USP43: variants seen among roughly 807,000 people sequenced by gnomAD.
USP43 encodes ubiquitin carboxyl-terminal hydrolase 43.
USP43 carries 33 observed loss-of-function variants against 90.7 expected under a neutral mutation model. That is an observed-to-expected ratio of 0.36 (90% CI 0.28 to 0.49). The LOEUF is 0.49. USP43 is among the 20% of genes least tolerant of loss of function. USP43 has a pLI of 0.98. For missense variants in USP43, 1,274 were observed against 1,476.4 expected, an observed-to-expected ratio of 0.86 and a Z score of 2.25; for synonymous variants, 598 against 615.8, an observed-to-expected ratio of 0.97 and a Z score of 0.43.
At chr17:9,719,419 C>T (rs907923352) in intron 14 of USP43, among the ~76,000 whole-genome samples, 3 of 152,172 alleles carry the variant, frequency 2.0e-5, no homozygotes, top group African/African-American at 7.2e-5. Flanking sequence ...GATAACTGTC[C>T]TGCAGACCCT....
intron 8 of USP43, among the ~76,000 whole-genome samples, chr17:9,691,093 C>T (rs879266192): frequency 3.3e-5 from 5 of 150,588 alleles, no homozygotes; most frequent in African/African-American, 4.9e-5. Flanking sequence ...TGTAGCATAT[C>T]TCAGAATTTC....
rs766661067 is a variant in USP43 at position 9,729,001 on chromosome 17, C to G, written c.*11C>G. ...GAGTCCAGCTTTTGATGGAGCGTGT[C>G]AGTATTGTGTGACGCTGGCATTCTT... On this transcript the variant is annotated 3_prime_UTR_variant, in exon 15 of 15. Coordinates refer to ENST00000285199, the MANE Select transcript of USP43 (RefSeq NM_153210.5). 33 of 1,531,602 alleles carry G rather than the reference C, an allele frequency of 2.2e-5. No individual in the cohort carries two copies. In the East Asian group the frequency reaches 7.4e-4, roughly 34 times the overall value. 94.9% of individuals were successfully genotyped at this position (1,531,602 alleles called of 1,614,324 possible).
intron 9 of USP43, among the ~76,000 whole-genome samples, chr17:9,697,127 G>C (rs1344138529): frequency 6.6e-6 from 1 of 152,156 alleles, no homozygotes. Flanking sequence ...TGAGGCAGGA[G>C]AATCGCTTGA....
intron 2 of USP43, among the ~76,000 whole-genome samples, chr17:9,664,885 C>T (rs1036895859): frequency 3.3e-5 from 5 of 152,186 alleles, no homozygotes; most frequent in African/African-American, 9.7e-5. Flanking sequence ...GATCCACCCA[C>T]CTCGGTCTCC....
intron 14 of USP43, among the ~76,000 whole-genome samples, chr17:9,715,965 GTA>G (rs1210148980): frequency 2.6e-5 from 4 of 150,982 alleles, no homozygotes; most frequent in South Asian, 2.1e-4. Context: ...ATGTATCTGT[GTA>G]TATGTGTGTG....
At chr17:9,725,723 GA>G (rs1917232620) in intron 14 of USP43, among the ~76,000 whole-genome samples, 1 of 152,150 alleles carries the variant, frequency 6.6e-6, no homozygotes, top group Non-Finnish European at 1.5e-5. Flanking sequence ...TGGCCTCAGA[GA>G]CTTTCCTACC....
intron 14 of USP43, among the ~76,000 whole-genome samples, chr17:9,717,763 C>A (rs186445563): frequency 6.6e-6 from 1 of 151,780 alleles, no homozygotes; most frequent in Non-Finnish European, 1.5e-5. Context: ...AAATAATTAT[C>A]TTACTCGTTA....
chr17:9,666,611 G>C, intron 2 of USP43, 37 bp from the exon 3 acceptor site: 1 of 1,536,322 alleles, frequency 6.5e-7, no homozygotes, highest in Non-Finnish European at 8.9e-7. Context: ...GATGAGAGGT[G>C]TATCTAATCT....
chr17:9,710,708 A>G (rs1450045420), intron 13 of USP43, among the ~76,000 whole-genome samples: 1 of 151,856 alleles, frequency 6.6e-6, no homozygotes, highest in African/African-American at 2.4e-5. Flanking sequence ...GGGTTTCACC[A>G]TGTTGGCCAG....
intron 1 of USP43, among the ~76,000 whole-genome samples, chr17:9,651,558 G>C (rs865887916): frequency 3.3e-5 from 5 of 152,146 alleles, no homozygotes; most frequent in African/African-American, 7.2e-5. Context: ...TCTCAAAACT[G>C]TCTCCTTCTC....
chr17:9,696,383 C>T (rs984030302), intron 9 of USP43, among the ~76,000 whole-genome samples: 2 of 152,144 alleles, frequency 1.3e-5, no homozygotes, highest in African/African-American at 4.8e-5. Context: ...ATCCGCCTGC[C>T]TCTGCCTCCC....
At chr17:9,715,880 T>A (rs1424889048) in intron 14 of USP43, among the ~76,000 whole-genome samples, 1 of 151,900 alleles carries the variant, frequency 6.6e-6, no homozygotes, top group East Asian at 1.9e-4. Flanking sequence ...TGTATCTGTG[T>A]GTGTGTCTCT....
At chr17:9,658,348 T>G (rs539183637) in intron 2 of USP43, among the ~76,000 whole-genome samples, 63 of 152,270 alleles carry the variant, frequency 4.1e-4, no homozygotes, top group Non-Finnish European at 7.9e-4. Flanking sequence ...TTTTCTCCCT[T>G]AAAATGTCAA....
chr17:9,707,636 G>A (rs1915960949), intron 12 of USP43, among the ~76,000 whole-genome samples: 3 of 128,454 alleles, frequency 2.3e-5, no homozygotes, highest in Admixed American at 8.0e-5. Context: ...GACAGACCGA[G>A]ACTCTGTCTC....
Position 9,701,898 on chromosome 17 carries a change from G to A in USP43, c.2011+198G>A, listed in dbSNP as rs1915598687. Reference sequence around the variant, plus strand: ...GGACCTGCCCTGTAGGAGCTGGTGGGGGAGAGAGAATTCCAGTAAAATATA... The same window carrying A: ...GGACCTGCCCTGTAGGAGCTGGTGGAGGAGAGAGAATTCCAGTAAAATATA... On this transcript the variant is annotated intron_variant, in intron 12 of 14. Coordinates refer to ENST00000285199, the MANE Select transcript of USP43 (RefSeq NM_153210.5). The surrounding 1 kb of genome is among the most constrained non-coding windows in gnomAD (Gnocchi z 7.2). Among the ~76,000 whole-genome samples the A allele has an allele frequency of 6.6e-6, 1 of 152,174 alleles. No individual in the cohort carries two copies. Among genetic ancestry groups the A allele is most frequent in the African/African-American group, 2.4e-5 (1 of 41,440 alleles).
chr17:9,707,637 ACT>A (rs1335777129), intron 12 of USP43, among the ~76,000 whole-genome samples: 3 of 128,018 alleles, frequency 2.3e-5, no homozygotes, highest in African/African-American at 3.5e-5. Context: ...ACAGACCGAG[ACT>A]CTGTCTCAAA....
At chr17:9,691,224 C>T (rs1914932144) in intron 8 of USP43, among the ~76,000 whole-genome samples, 1 of 151,728 alleles carries the variant, frequency 6.6e-6, no homozygotes, top group African/African-American at 2.4e-5. Context: ...AACTGATTCT[C>T]CTGCCTCAGC....
chr17:9,680,924 T>C (rs2151975844), intron 6 of USP43, among the ~76,000 whole-genome samples: 1 of 149,734 alleles, frequency 6.7e-6, no homozygotes, highest in African/African-American at 2.5e-5. Context: ...ATGGTCAATT[T>C]CTAACAGTCC....
intron 3 of USP43, among the ~76,000 whole-genome samples, chr17:9,671,235 C>A (rs138751255): frequency 6.6e-6 from 1 of 152,200 alleles, no homozygotes; most frequent in South Asian, 2.1e-4. Context: ...GCAAGTCTAA[C>A]GACCAACGAT....
Sources: gnomAD v4.1 joint callset for allele counts (sites outside exome capture counted in the v4.1 genomes callset) on GRCh38, gnomAD v4.1.1 for gene constraint, Gnocchi (gnomAD v3.1) non-coding constraint, MANE v1.5 for transcripts, NCBI Gene and HGNC (gene_info 2026-07-23, HGNC 2026-07-21) for gene names.